The following MAML2 variants were observed in gnomAD, a reference collection of about 807,000 sequenced individuals.
MAML2 encodes the protein mastermind like transcriptional coactivator 2, also known as mastermind-like protein 2.
In MAML2, 22 loss-of-function variants were observed where a neutral mutation model predicts 96.1. The observed-to-expected ratio is 0.23, with a 90% CI of 0.16 to 0.33. MAML2 has a LOEUF of 0.33. MAML2 is among the 10% of genes least tolerant of loss of function. The pLI, the probability that MAML2 is intolerant of heterozygous loss-of-function variation, is 1.00. For missense variants in MAML2, 1,367 were observed against 1,392.4 expected (o/e 0.98, Z 0.29); for synonymous variants, 561 against 521.3 (o/e 1.08, Z -1.04).
intron 1 of MAML2, among the ~76,000 whole-genome samples, chr11:96,301,174 T>C (rs1054482759): frequency 2.0e-5 from 3 of 152,200 alleles, no homozygotes; most frequent in Non-Finnish European, 4.4e-5. Flanking sequence ...GCAAAAATTA[T>C]ACATATACAC....
chr11:96,183,330 A>T (rs1565240767), intron 1 of MAML2, among the ~76,000 whole-genome samples: 3 of 148,872 alleles, frequency 2.0e-5, no homozygotes, highest in Non-Finnish European at 4.4e-5. Flanking sequence ...TGAATTTTAG[A>T]TTTTTTATTT....
At chr11:95,982,057 G>A (rs1190474306) in intron 4 of MAML2, among the ~76,000 whole-genome samples, 1 of 152,078 alleles carries the variant, frequency 6.6e-6, no homozygotes, top group Non-Finnish European at 1.5e-5. Context: ...CAAAATCTGG[G>A]AAAGGTAATC....
At chr11:96,016,638 G>A (rs1469165036) in intron 2 of MAML2, among the ~76,000 whole-genome samples, 2 of 152,094 alleles carry the variant, frequency 1.3e-5, no homozygotes, top group African/African-American at 4.8e-5. Flanking sequence ...TTTTACAAAA[G>A]CTTTTGGGAA....
intron 1 of MAML2, among the ~76,000 whole-genome samples, chr11:96,305,597 A>G (rs1339037005): frequency 6.6e-6 from 1 of 152,230 alleles, no homozygotes; most frequent in Non-Finnish European, 1.5e-5. Flanking sequence ...TACTATATGA[A>G]AAAACTTTGG....
At chr11:96,259,965 A>G (rs1165566377) in intron 1 of MAML2, among the ~76,000 whole-genome samples, 1 of 150,032 alleles carries the variant, frequency 6.7e-6, no homozygotes, top group African/African-American at 2.5e-5. Context: ...TTTAAACATC[A>G]GTATGTCCTG....
At position 96,255,862 on chromosome 11, in the gene MAML2, C is replaced by T. The variant is rs373755963; in HGVS notation, c.513+85521G>A. 1.7e-3 allele frequency among the ~76,000 whole-genome samples: 238 copies of T among 142,998 alleles called. 2 individuals are homozygous for T. The highest frequency in any genetic ancestry group is 5.6e-3 in the African/African-American group (222 of 39,462). The allele number at this position is 142,998 out of a possible 152,430, so 93.8% of individuals were successfully genotyped here. A position where few individuals can be genotyped will look rare whatever the true frequency, so the allele number is the denominator to read the frequency against. ...TTTTGTGGAGATAATTTCCCCCCACCGCCTTTTTTTTTTTTTTTTTTTTTT... is the reference window on the plus strand; with the variant it reads ...TTTTGTGGAGATAATTTCCCCCCACTGCCTTTTTTTTTTTTTTTTTTTTTT... On this transcript the variant is annotated intron_variant, in intron 1 of 4. Transcript: ENST00000524717.
chr11:96,100,735 C>CTTTTTTTTT (rs66593553), intron 1 of MAML2, among the ~76,000 whole-genome samples: 3 of 136,160 alleles, frequency 2.2e-5, no homozygotes, highest in African/African-American at 2.8e-5. Flanking sequence ...GTCAAAATAG[C>CTTTTTTTTT]TTTTTTTTTT....
At chr11:96,011,663 A>G (rs1858268878) in intron 2 of MAML2, among the ~76,000 whole-genome samples, 1 of 152,192 alleles carries the variant, frequency 6.6e-6, no homozygotes. Context: ...CCCAAACCTC[A>G]TCATCATGCA....
At chr11:96,042,935 G>A (rs955784795) in intron 2 of MAML2, among the ~76,000 whole-genome samples, 4 of 151,768 alleles carry the variant, frequency 2.6e-5, no homozygotes, top group Non-Finnish European at 2.9e-5. Flanking sequence ...TAGTAGAGAT[G>A]GGGTTTCACC....
intron 1 of MAML2, among the ~76,000 whole-genome samples, chr11:96,209,640 T>C (rs1355612912): frequency 6.6e-6 from 1 of 152,010 alleles, no homozygotes; most frequent in Non-Finnish European, 1.5e-5. Flanking sequence ...AATAATTGTA[T>C]TCTTTATTGG....
chr11:96,341,755 G>GTCA lies in MAML2; in HGVS notation c.140_141insTGA (p.Cys47_Arg48insAsp). 1 of 1,612,676 alleles carries GTCA rather than the reference G, an allele frequency of 6.2e-7. No homozygotes were observed. The highest frequency in any genetic ancestry group is 8.5e-7 in the Non-Finnish European group (1 of 1,179,630). On this transcript the variant is annotated inframe_insertion, in exon 1 of 5. Coordinates refer to ENST00000524717, the MANE Select transcript of MAML2 (RefSeq NM_032427.4). ...CTTCACAGCTCAGGTGGTGTTGGCG[G>GTCA]CAGACAGCGATCCGAGCCCGGAGGC...
At chr11:96,184,398 C>A (rs530043328) in intron 1 of MAML2, among the ~76,000 whole-genome samples, 2 of 151,800 alleles carry the variant, frequency 1.3e-5, no homozygotes, top group East Asian at 2.0e-4. Flanking sequence ...CGAGATCATG[C>A]CACTGCACTC....
chr11:96,003,560 C>T (rs544577008), intron 2 of MAML2, among the ~76,000 whole-genome samples: 2 of 152,158 alleles, frequency 1.3e-5, no homozygotes, highest in South Asian at 2.1e-4. Flanking sequence ...AGTGAGTAGA[C>T]AGCACTAGTG....
intron 2 of MAML2, among the ~76,000 whole-genome samples, chr11:96,050,965 G>T (rs1858980999): frequency 6.6e-6 from 1 of 152,194 alleles, no homozygotes; most frequent in Admixed American, 6.5e-5. Flanking sequence ...GCAGACTGAT[G>T]TCAAATGTGA....
chr11:96,329,158 T>C (rs537284264), intron 1 of MAML2, among the ~76,000 whole-genome samples: 1 of 152,226 alleles, frequency 6.6e-6, no homozygotes, highest in African/African-American at 2.4e-5. Flanking sequence ...TACAGAAATA[T>C]TACAAGTGTA....
intron 2 of MAML2, among the ~76,000 whole-genome samples, chr11:96,017,607 G>A (rs1227161412): frequency 6.6e-6 from 1 of 152,134 alleles, no homozygotes; most frequent in African/African-American, 2.4e-5. Flanking sequence ...AGGGCTGGAG[G>A]CGGGGTGTGT....
intron 1 of MAML2, 83 bp downstream of exon 1, chr11:96,341,300 C>T (rs2136024442): frequency 7.0e-7 from 1 of 1,431,378 alleles, no homozygotes; most frequent in South Asian, 1.5e-5. Flanking sequence ...TTGCCATCCA[C>T]TCTACCTTAG....
chr11:96,320,605 C>T (rs1863687284), intron 1 of MAML2, among the ~76,000 whole-genome samples: 1 of 152,184 alleles, frequency 6.6e-6, no homozygotes, highest in East Asian at 1.9e-4. Context: ...GAGGCATTCT[C>T]TTGTCAATTT....
chr11:96,298,176 C>T (rs1863328995), intron 1 of MAML2, among the ~76,000 whole-genome samples: 1 of 152,222 alleles, frequency 6.6e-6, no homozygotes, highest in African/African-American at 2.4e-5. Flanking sequence ...TTTTCTGCAA[C>T]AGTGACATCC....
Sources: allele counts gnomAD v4.1 joint callset (sites outside exome capture counted in the v4.1 genomes callset), GRCh38; gene constraint gnomAD v4.1.1; transcripts MANE v1.5; gene names NCBI Gene and HGNC (gene_info 2026-07-23, HGNC 2026-07-21).